The following CACNA1D variants were observed in gnomAD, a reference collection of about 807,000 sequenced individuals.
CACNA1D encodes the protein voltage-dependent L-type calcium channel subunit alpha-1D.
Under a neutral mutation model 257.1 loss-of-function variants are expected in CACNA1D, and 55 were observed. The observed-to-expected ratio is 0.21, with a 90% CI of 0.17 to 0.27. The LOEUF (loss-of-function observed/expected upper bound fraction) is 0.27, where lower values mean the gene tolerates loss of function less well. CACNA1D is among the 10% of genes least tolerant of loss of function. The pLI is 1.00. For synonymous variants in CACNA1D, 980 were observed against 1,014.9 expected, an observed-to-expected ratio of 0.97 and a Z score of 0.65; for missense variants, 1,876 against 2,784.0, an observed-to-expected ratio of 0.67 and a Z score of 7.34.
intron 7 of CACNA1D, 64 bp downstream of exon 7, chr3:53,666,599 T>C: frequency 7.4e-7 from 1 of 1,351,504 alleles, no homozygotes; most frequent in Non-Finnish European, 1.1e-6. Context: ...TTTTGTGAGC[T>C]AGAGCCACTG....
At chr3:53,745,969 G>A (rs2095164829) in intron 25 of CACNA1D, 94 bp downstream of exon 25, 1 of 964,682 alleles carries the variant, frequency 1.0e-6, no homozygotes, top group Non-Finnish European at 1.7e-6. Context: ...TTTTGGTCGT[G>A]AAATAAAATA....
intron 3 of CACNA1D, among the ~76,000 whole-genome samples, chr3:53,597,168 C>G (rs1320469415): frequency 6.6e-6 from 1 of 152,096 alleles, no homozygotes; most frequent in East Asian, 1.9e-4. Context: ...CTATATGTGC[C>G]AGATGGTGTT....
intron 3 of CACNA1D, among the ~76,000 whole-genome samples, chr3:53,642,487 T>G (rs925426853): frequency 2.0e-5 from 3 of 152,130 alleles, no homozygotes; most frequent in Admixed American, 6.5e-5. Context: ...AAGGTCAGGG[T>G]GCTGTTACCC....
At chr3:53,715,656 G>A (rs148048860) in intron 9 of CACNA1D, among the ~76,000 whole-genome samples, 127 of 152,308 alleles carry the variant, frequency 8.3e-4, no homozygotes, top group African/African-American at 2.9e-3. Context: ...CAATGGAGAT[G>A]TACAGAAGTC....
intron 3 of CACNA1D, among the ~76,000 whole-genome samples, chr3:53,539,535 T>G (rs1281603401): frequency 6.6e-6 from 1 of 152,258 alleles, no homozygotes; most frequent in Non-Finnish European, 1.5e-5. Flanking sequence ...TGATGTACAG[T>G]CAAGTTGTTT....
intron 9 of CACNA1D, among the ~76,000 whole-genome samples, chr3:53,706,254 A>T (rs1387154330): frequency 2.0e-5 from 3 of 152,216 alleles, no homozygotes; most frequent in Admixed American, 6.5e-5. Flanking sequence ...ACAGTGTGAG[A>T]AGAAATGCTT....
In CACNA1D at chr3:53,793,633, G is replaced by A. The variant is rs2106677092; in HGVS notation, c.4924-6616G>A. ...AGGGAGTGATTTAAATGGAACAAGAGAGTCTTCTCCACTTGGGCCTGGCTG... is the reference window on the plus strand; with the variant it reads ...AGGGAGTGATTTAAATGGAACAAGAAAGTCTTCTCCACTTGGGCCTGGCTG... On this transcript the variant is annotated intron_variant, in intron 40 of 47. Transcript: ENST00000350061. The surrounding 1 kb of genome is among the most constrained non-coding windows in gnomAD (Gnocchi z 4.1). Among the ~76,000 whole-genome samples the A allele has an allele frequency of 6.6e-6, 1 of 152,338 alleles. No individual in the cohort carries two copies. The highest frequency in any genetic ancestry group is 1.5e-5 in the Non-Finnish European group (1 of 68,040).
rs567887420 is a variant in CACNA1D at position 53,636,244 on chromosome 3, A to G, written c.484-14535A>G. Among the ~76,000 whole-genome samples, 4 of 152,282 alleles carry G rather than the reference A, an allele frequency of 2.6e-5. No homozygotes were observed. In the East Asian group the frequency reaches 7.7e-4, roughly 29 times the overall value. On this transcript the variant is annotated intron_variant, in intron 3 of 47. Transcript: ENST00000350061. ...TTTTAAATCTTAGTGAGCAGTAATA[A>G]ATACATTGTAACTCTCAAGCACACA...
At chr3:53,781,499 G>A (rs1559676730) in intron 38 of CACNA1D, 67 bp from the exon 39 acceptor site, 2 of 1,045,880 alleles carry the variant, frequency 1.9e-6, no homozygotes, top group Non-Finnish European at 3.0e-6. Context: ...ACAAGGCTGT[G>A]CAAGCAGAGG....
intron 3 of CACNA1D, among the ~76,000 whole-genome samples, chr3:53,623,724 GTC>G (rs2093725027): frequency 6.6e-6 from 1 of 150,972 alleles, no homozygotes; most frequent in East Asian, 1.9e-4. Context: ...TACTTCCAGC[GTC>G]TCTGACTCAT....
At chr3:53,521,545 A>G (rs960233644) in intron 3 of CACNA1D, among the ~76,000 whole-genome samples, 6 of 152,220 alleles carry the variant, frequency 3.9e-5, no homozygotes, top group African/African-American at 9.6e-5. Flanking sequence ...GGACTGGAGT[A>G]TAAGTCTCTG....
intron 3 of CACNA1D, among the ~76,000 whole-genome samples, chr3:53,617,064 C>A (rs1194444506): frequency 1.3e-5 from 2 of 152,178 alleles, no homozygotes; most frequent in African/African-American, 4.8e-5. Context: ...GGAATGTTCT[C>A]TCTCCTCCTC....
At chr3:53,636,302 A>G (rs2093882920) in intron 3 of CACNA1D, among the ~76,000 whole-genome samples, 1 of 152,100 alleles carries the variant, frequency 6.6e-6, no homozygotes, top group Admixed American at 6.6e-5. Flanking sequence ...TGAAAAATAT[A>G]TGCGATTTAT....
At chr3:53,630,479 A>G (rs2093810180) in intron 3 of CACNA1D, among the ~76,000 whole-genome samples, 1 of 152,218 alleles carries the variant, frequency 6.6e-6, no homozygotes, top group South Asian at 2.1e-4. Flanking sequence ...ATTATTTGAG[A>G]CAGTACTTAA....
At chr3:53,647,587 CT>C (rs2094036001) in intron 3 of CACNA1D, among the ~76,000 whole-genome samples, 1 of 152,232 alleles carries the variant, frequency 6.6e-6, no homozygotes, top group Non-Finnish European at 1.5e-5. Flanking sequence ...ACCTGACTTT[CT>C]TGTTGGCTTC....
At chr3:53,555,507 G>T (rs2092627719) in intron 3 of CACNA1D, among the ~76,000 whole-genome samples, 1 of 134,604 alleles carries the variant, frequency 7.4e-6, no homozygotes, top group African/African-American at 2.8e-5. Flanking sequence ...AGGGAACAGA[G>T]AAATAAGTTG....
chr3:53,608,077 A>T (rs2093535823), intron 3 of CACNA1D, among the ~76,000 whole-genome samples: 1 of 152,190 alleles, frequency 6.6e-6, no homozygotes, highest in Non-Finnish European at 1.5e-5. Flanking sequence ...CTGAATCTAT[A>T]TCTCAATGTA....
chr3:53,717,911 A>G (rs1476835012), intron 9 of CACNA1D, among the ~76,000 whole-genome samples: 2 of 152,106 alleles, frequency 1.3e-5, no homozygotes, highest in Admixed American at 6.5e-5. Flanking sequence ...TTCTATATGC[A>G]CCTTTTGGGG....
In CACNA1D at chr3:53,749,222, G is replaced by A; in HGVS notation, c.3315-46G>A. 4 of 1,414,456 alleles carry A rather than the reference G, an allele frequency of 2.8e-6. No homozygotes were observed. In the South Asian group the frequency reaches 3.5e-5, roughly 12 times the overall value. The allele number at this position is 1,414,456 out of a possible 1,614,324, so 87.6% of individuals were successfully genotyped here. Reference sequence around the variant, plus strand: ...GGGAAGGCAGCGGGCTGGGCCGTGTGGGCTGGGGGGCTTGGCAGGTCCTCA... The same window carrying A: ...GGGAAGGCAGCGGGCTGGGCCGTGTAGGCTGGGGGGCTTGGCAGGTCCTCA... On this transcript the variant is annotated intron_variant, in intron 26 of 47. Coordinates refer to ENST00000350061, the MANE Select transcript of CACNA1D (RefSeq NM_001128840.3).
Sources: gnomAD v4.1 joint callset for allele counts (sites outside exome capture counted in the v4.1 genomes callset) on GRCh38, gnomAD v4.1.1 for gene constraint, Gnocchi (gnomAD v3.1) non-coding constraint, MANE v1.5 for transcripts, NCBI Gene and HGNC (gene_info 2026-07-23, HGNC 2026-07-21) for gene names.